ZMYND8: variants seen among roughly 807,000 people sequenced by gnomAD.
The protein encoded by ZMYND8 is zinc finger MYND-type containing 8.
In ZMYND8, 37 loss-of-function variants were observed where a neutral mutation model predicts 140.8. The observed-to-expected ratio is 0.26, with a 90% CI of 0.20 to 0.35. The LOEUF (loss-of-function observed/expected upper bound fraction) is 0.35. Among genes scored for constraint, ZMYND8 ranks in the 10% least tolerant of loss-of-function variants. ZMYND8 has a pLI of 1.00. For synonymous variants in ZMYND8, 592 were observed against 597.1 expected (o/e 0.99, Z 0.12); for missense variants, 1,068 against 1,570.0 (o/e 0.68, Z 5.40).
chr20:47,315,088 A>T lies in ZMYND8; in HGVS notation c.86-4884T>A, dbSNP rs1361537464. The stretch of plus-strand genomic sequence containing the variant: ...AGGATGTTAAAAGTCCCTCTTCAAC[A>T]TTACTTAATTTAATGAGAAAGTGGG... On this transcript the variant is annotated intron_variant, in intron 2 of 22. Coordinates refer to ENST00000471951, the MANE Select transcript of ZMYND8 (RefSeq NM_001281775.3). Among the ~76,000 whole-genome samples the T allele has an allele frequency of 3.9e-5, 6 of 152,222 alleles. No individual in the cohort carries two copies. In the East Asian group the frequency reaches 1.2e-3, roughly 29 times the overall value.
At chr20:47,353,365 C>T (rs1041296039) in intron 1 of ZMYND8, 1 of 152,198 alleles carries the variant, frequency 6.6e-6, no homozygotes, top group Non-Finnish European at 1.5e-5. Flanking sequence ...CCAATTGTTT[C>T]TTTCTGACTC....
At chr20:47,325,998 C>T (rs1459486885) in intron 2 of ZMYND8, among the ~76,000 whole-genome samples, 3 of 151,906 alleles carry the variant, frequency 2.0e-5, no homozygotes, top group Non-Finnish European at 4.4e-5. Context: ...TTGCATGTGG[C>T]TCAGGCTGGA....
At chr20:47,259,279 C>T (rs1359446077) in intron 12 of ZMYND8, among the ~76,000 whole-genome samples, 1 of 152,190 alleles carries the variant, frequency 6.6e-6, no homozygotes, top group African/African-American at 2.4e-5. Context: ...CAAGGAAGCA[C>T]GTGTGTCCCT....
chr20:47,292,869 T>G (rs891110977), intron 5 of ZMYND8, among the ~76,000 whole-genome samples: 8 of 151,576 alleles, frequency 5.3e-5, no homozygotes, highest in African/African-American at 9.7e-5. Context: ...CTGGGCAACA[T>G]AGCGAGACCC....
intron 19 of ZMYND8, among the ~76,000 whole-genome samples, chr20:47,222,711 G>A (rs2037161507): frequency 1.3e-5 from 2 of 152,244 alleles, no homozygotes; most frequent in South Asian, 4.1e-4. Context: ...CTTTACTCCA[G>A]TAAGAGACCA....
chr20:47,289,451 C>T (rs1046851679), intron 7 of ZMYND8, among the ~76,000 whole-genome samples: 7 of 152,120 alleles, frequency 4.6e-5, no homozygotes, highest in Admixed American at 6.5e-5. Flanking sequence ...CAACACCACT[C>T]CTAGGTATTT....
In ZMYND8 at chr20:47,209,288, G is replaced by A; in HGVS notation, c.*1473C>T. On this transcript the variant is annotated 3_prime_UTR_variant, in exon 23 of 23. Transcript: ENST00000471951. ...AACTGGGGGGGTGGGGGAAGGAACG[G>A]GCAAACCCAAAAAAGCATATAGTGT... The A allele has an allele frequency of 6.6e-6, 1 of 151,844 alleles. No homozygotes were observed. The highest frequency in any genetic ancestry group is 6.6e-5 in the Admixed American group (1 of 15,228). The allele number at this position is 151,844 out of a possible 1,614,324, so 9.4% of individuals were successfully genotyped here.
Position 47,238,827 on chromosome 20 carries a change from G to C in ZMYND8, c.2596C>G (p.Gln866Glu). 2 of 1,612,230 alleles carry C rather than the reference G, an allele frequency of 1.2e-6. No homozygotes were observed. Among genetic ancestry groups the C allele is most frequent in the South Asian group, 1.1e-5 (1 of 91,002 alleles). Residue 866 changes from glutamine (Q) to glutamate (E), a missense_variant, in exon 15 of 23, where the codon CAG becomes GAG. This residue lies in a region of ZMYND8 where 383 missense variants were observed against 431.2 expected (regional missense o/e 0.89). Transcript: ENST00000471951. ...TGAGGCTGCTGCTGCTGGTTTTGCT[G>C]CTGCTGCTGCTGCTGCTGACGCTGC... ...KMQRQQQQQQ[Q>E]QNQQQQPQSS...
chr20:47,334,999 A>C (rs1288136253), intron 2 of ZMYND8, among the ~76,000 whole-genome samples: 1 of 152,006 alleles, frequency 6.6e-6, no homozygotes, highest in African/African-American at 2.4e-5. Context: ...CAATCCCAGC[A>C]CTTTGGGAGG....
In ZMYND8 at chr20:47,249,483, T is replaced by C. The variant is rs6512435; in HGVS notation, c.1622-44A>G. On this transcript the variant is annotated intron_variant, in intron 12 of 22. Transcript: ENST00000471951. ...CCCTCGTAAGATCAGGCACACACCA[T>C]CCTCATCACGGAGCTTCGTCCTTGC... 20,210 of 1,590,106 alleles carry C rather than the reference T, an allele frequency of 0.013. 1,990 individuals carry two copies. The African/African-American group carries it at 0.23, about 18-fold the overall frequency.
At chr20:47,350,344 A>C (rs58534694) in intron 1 of ZMYND8, among the ~76,000 whole-genome samples, 6 of 137,786 alleles carry the variant, frequency 4.4e-5, no homozygotes, top group African/African-American at 1.6e-4. Context: ...AAAAAAAAAA[A>C]AAAAAAAACT....
At chr20:47,287,760 G>A (rs891112436) in intron 7 of ZMYND8, among the ~76,000 whole-genome samples, 1 of 152,120 alleles carries the variant, frequency 6.6e-6, no homozygotes, top group Non-Finnish European at 1.5e-5. Flanking sequence ...GGGAGGCTGA[G>A]GCAGAGGGAT....
Position 47,233,894 on chromosome 20 carries a change from G to A in ZMYND8, c.2856+2432C>T, listed in dbSNP as rs567746927. The stretch of plus-strand genomic sequence containing the variant: ...GTAGGCAAACTCTAAGTGGGCTCCC[G>A]ATGATCCCAACCTACTAATATTTTG... On this transcript the variant is annotated intron_variant, in intron 16 of 22. Coordinates refer to ENST00000471951, the MANE Select transcript of ZMYND8 (RefSeq NM_001281775.3). 7.9e-5 allele frequency among the ~76,000 whole-genome samples: 12 copies of A among 152,294 alleles called. No homozygotes were observed. The East Asian group carries it at 1.4e-3, about 17-fold the overall frequency.
chr20:47,353,976 T>A (rs952719810), intron 1 of ZMYND8: 1 of 152,156 alleles, frequency 6.6e-6, no homozygotes, highest in African/African-American at 2.4e-5. Flanking sequence ...TCCAAGTCTA[T>A]TGGTTTAAAA....
chr20:47,299,244 A>T (rs1453015950), intron 3 of ZMYND8, among the ~76,000 whole-genome samples: 1 of 152,228 alleles, frequency 6.6e-6, no homozygotes, highest in Non-Finnish European at 1.5e-5. Flanking sequence ...CTAGGTTCAG[A>T]TTTTAACTCT....
At chr20:47,320,647 C>T (rs973837969) in intron 2 of ZMYND8, 26 of 152,234 alleles carry the variant, frequency 1.7e-4, no homozygotes, top group African/African-American at 6.0e-4. Flanking sequence ...ATCGCTTGAC[C>T]CCAGGAGGCT....
intron 2 of ZMYND8, among the ~76,000 whole-genome samples, chr20:47,330,170 GTGC>G (rs2080816383): frequency 6.6e-6 from 1 of 151,996 alleles, no homozygotes; most frequent in Non-Finnish European, 1.5e-5. Context: ...TCTCAGCAAG[GTGC>G]ACATCACAGG....
intron 3 of ZMYND8, among the ~76,000 whole-genome samples, chr20:47,308,838 G>A (rs575818326): frequency 3.3e-5 from 5 of 152,228 alleles, no homozygotes; most frequent in South Asian, 2.1e-4. Context: ...GTATTTAACC[G>A]TTGCTAGGTC....
At chr20:47,234,816 A>G (rs1446746742) in intron 16 of ZMYND8, among the ~76,000 whole-genome samples, 1 of 152,182 alleles carries the variant, frequency 6.6e-6, no homozygotes, top group Non-Finnish European at 1.5e-5. Flanking sequence ...AATATAATAA[A>G]GCTAACTCTT....
Sources: gnomAD v4.1 joint callset for allele counts (sites outside exome capture counted in the v4.1 genomes callset) on GRCh38, gnomAD v4.1.1 for gene constraint, gnomAD v4.1.1 regional missense constraint, MANE v1.5 for transcripts, NCBI Gene and HGNC (gene_info 2026-07-23, HGNC 2026-07-21) for gene names.